Variants in LSAMP observed in about 807,000 individuals in gnomAD.
LSAMP encodes limbic system-associated membrane protein.
A neutral mutation model predicts 38.6 loss-of-function variants in LSAMP; 7 were observed. The ratio of observed to expected loss-of-function variants is 0.18; its 90% confidence interval spans 0.10 to 0.34. LSAMP has a LOEUF of 0.34. Among genes scored for constraint, LSAMP ranks in the 10% least tolerant of loss-of-function variants. LSAMP has a pLI of 1.00. For missense variants in LSAMP, 313 were observed against 420.0 expected (o/e 0.75, Z 2.23); for synonymous variants, 154 against 166.8 (o/e 0.92, Z 0.59).
chr3:116,004,943 C>A (rs913809032), intron 3 of LSAMP, among the ~76,000 whole-genome samples: 1 of 152,116 alleles, frequency 6.6e-6, no homozygotes, highest in Admixed American at 6.6e-5. Flanking sequence ...ATTGTCAATG[C>A]AGAGTACCTG....
intron 1 of LSAMP, among the ~76,000 whole-genome samples, chr3:116,397,885 ATTC>A (rs1252455607): frequency 6.6e-6 from 1 of 151,992 alleles, no homozygotes; most frequent in Non-Finnish European, 1.5e-5. Flanking sequence ...AAGGCCTGAA[ATTC>A]TTCTTGCCTT....
intron 1 of LSAMP, among the ~76,000 whole-genome samples, chr3:116,312,480 C>A (rs2047570046): frequency 6.6e-6 from 1 of 152,180 alleles, no homozygotes; most frequent in Admixed American, 6.5e-5. Context: ...TTCTCTTCCC[C>A]CTTTCCATTC....
intron 1 of LSAMP, among the ~76,000 whole-genome samples, chr3:116,350,296 ATT>A (rs1170509094): frequency 1.5e-4 from 23 of 152,196 alleles, no homozygotes; most frequent in African/African-American, 5.5e-4. Context: ...AGGTACAACT[ATT>A]GGTTAAGGAC....
At chr3:116,249,718 G>A (rs1559799211) in intron 1 of LSAMP, among the ~76,000 whole-genome samples, 2 of 151,348 alleles carry the variant, frequency 1.3e-5, no homozygotes, top group African/African-American at 4.9e-5. Flanking sequence ...TCTGGGTACC[G>A]TATATCCAAG....
At chr3:115,841,381 T>C (rs1576134677) in intron 6 of LSAMP, among the ~76,000 whole-genome samples, 1 of 152,340 alleles carries the variant, frequency 6.6e-6, no homozygotes, top group East Asian at 1.9e-4. Context: ...AAAAATATAC[T>C]TTCTTTTTCC....
intron 1 of LSAMP, among the ~76,000 whole-genome samples, chr3:116,231,429 TA>T (rs1223717840): frequency 6.6e-6 from 1 of 152,208 alleles, no homozygotes; most frequent in African/African-American, 2.4e-5. Context: ...CAACTTCTTT[TA>T]AATTAGCACA....
chr3:116,228,045 T>C (rs2046361928), intron 1 of LSAMP, among the ~76,000 whole-genome samples: 1 of 152,230 alleles, frequency 6.6e-6, no homozygotes, highest in Non-Finnish European at 1.5e-5. Context: ...AAACAGAAGA[T>C]GTGAAATTAT....
At chr3:116,146,969 T>C (rs1709504921) in intron 1 of LSAMP, among the ~76,000 whole-genome samples, 1 of 151,908 alleles carries the variant, frequency 6.6e-6, no homozygotes, top group African/African-American at 2.4e-5. Context: ...CAAGATGACA[T>C]TTAAGTGTCC....
At chr3:115,872,817 T>C (rs1477825676) in intron 3 of LSAMP, among the ~76,000 whole-genome samples, 4 of 152,054 alleles carry the variant, frequency 2.6e-5, no homozygotes, top group Non-Finnish European at 5.9e-5. Flanking sequence ...ACACAGGTAG[T>C]GGGAAAGGAG....
rs76154578 is a variant in LSAMP at position 115,809,936 on chromosome 3, G to A, written c.*381C>T. ...TTCTTCCCCACAGATGAAAAAAGAT[G>A]AAGGAAGGAAGGATAAAGTGTGTGT... On this transcript the variant is annotated 3_prime_UTR_variant, in exon 7 of 7. Coordinates refer to ENST00000490035, the MANE Select transcript of LSAMP (RefSeq NM_002338.5). 4,245 of 149,246 alleles carry A rather than the reference G, an allele frequency of 0.028. 87 individuals are homozygous for A. The highest frequency in any genetic ancestry group is 0.039 in the Non-Finnish European group (2,849 of 72,456). The allele number at this position is 149,246 out of a possible 1,614,324, so 9.2% of individuals were successfully genotyped here.
chr3:116,103,387 C>T (rs1457877167), intron 1 of LSAMP, among the ~76,000 whole-genome samples: 1 of 149,024 alleles, frequency 6.7e-6, no homozygotes, highest in Non-Finnish European at 1.5e-5. Flanking sequence ...ATCGCTTGAA[C>T]CTGGGAGGCA....
chr3:116,111,940 C>A (rs917156552), intron 1 of LSAMP, among the ~76,000 whole-genome samples: 7 of 152,164 alleles, frequency 4.6e-5, no homozygotes, highest in Non-Finnish European at 7.3e-5. Flanking sequence ...TGCTAGCCTG[C>A]ACTGAATTTT....
chr3:116,380,375 CTATT>C (rs2048543258), intron 1 of LSAMP, among the ~76,000 whole-genome samples: 1 of 151,992 alleles, frequency 6.6e-6, no homozygotes, highest in African/African-American at 2.4e-5. Flanking sequence ...AAGGTAGTAT[CTATT>C]TAAGATCAGT....
chr3:116,314,488 G>A (rs1340421956), intron 1 of LSAMP, among the ~76,000 whole-genome samples: 2 of 152,114 alleles, frequency 1.3e-5, no homozygotes, highest in Admixed American at 1.3e-4. Flanking sequence ...AAAGAAAATG[G>A]CGTGAGATCT....
At chr3:115,886,389 C>T (rs1253490212) in intron 3 of LSAMP, among the ~76,000 whole-genome samples, 1 of 151,846 alleles carries the variant, frequency 6.6e-6, no homozygotes, top group South Asian at 2.1e-4. Flanking sequence ...TGGCCATGAC[C>T]CAGTCCATGG....
At chr3:116,189,959 A>G (rs1033621402) in intron 1 of LSAMP, among the ~76,000 whole-genome samples, 1 of 152,208 alleles carries the variant, frequency 6.6e-6, no homozygotes, top group African/African-American at 2.4e-5. Context: ...TCCACAATGC[A>G]TATATACATC....
rs1933552841 is a variant in LSAMP at position 115,803,121 on chromosome 3, T to C, written c.*7196A>G. 6.6e-6 allele frequency: 1 copy of C among 152,194 alleles called. No homozygotes were observed. Among genetic ancestry groups the C allele is most frequent in the African/African-American group, 2.4e-5 (1 of 41,434 alleles). 9.4% of individuals were successfully genotyped at this position (152,194 alleles called of 1,614,324 possible). On this transcript the variant is annotated 3_prime_UTR_variant, in exon 7 of 7. Transcript: ENST00000490035. ...GCCTGGCTTTACATAGGGAGGATTG[T>C]GCAGAGTAGAATGTGGCTGTAGAAG...
intron 1 of LSAMP, among the ~76,000 whole-genome samples, chr3:116,126,843 CAG>C (rs1330324878): frequency 1.3e-5 from 2 of 151,452 alleles, no homozygotes; most frequent in African/African-American, 4.9e-5. Flanking sequence ...GCCTGGGAGA[CAG>C]GGCAAAACTC....
intron 3 of LSAMP, among the ~76,000 whole-genome samples, chr3:116,016,177 G>C (rs1306619206): frequency 1.3e-5 from 2 of 151,934 alleles, no homozygotes; most frequent in Non-Finnish European, 2.9e-5. Flanking sequence ...TCCATATTTT[G>C]AAAGAAATTT....
Sources: gnomAD v4.1 joint callset for allele counts (sites outside exome capture counted in the v4.1 genomes callset) on GRCh38, gnomAD v4.1.1 for gene constraint, MANE v1.5 for transcripts, NCBI Gene and HGNC (gene_info 2026-07-23, HGNC 2026-07-21) for gene names.